Variants in TNFSF13B observed in about 807,000 individuals in gnomAD.
The protein encoded by TNFSF13B is tumor necrosis factor ligand superfamily member 13B.
Under a neutral mutation model 29.1 loss-of-function variants are expected in TNFSF13B, and 8 were observed. That is an observed-to-expected ratio of 0.27 (90% CI 0.16 to 0.50). The LOEUF is 0.50. TNFSF13B is among the 20% of genes least tolerant of loss of function. The probability of loss-of-function intolerance (pLI) is 0.98; values close to 1 mark genes in which losing one functional copy is unlikely to be tolerated. For missense variants in TNFSF13B, 248 were observed against 334.9 expected (o/e 0.74, Z 2.03); for synonymous variants, 125 against 130.8 (o/e 0.96, Z 0.30).
At chr13:108,299,534 G>A (rs1881553478) in intron 3 of TNFSF13B, among the ~76,000 whole-genome samples, 1 of 151,954 alleles carries the variant, frequency 6.6e-6, no homozygotes, top group Admixed American at 6.6e-5. Flanking sequence ...GTGGACACAG[G>A]AGTCCTTCTT....
At position 108,293,235 on chromosome 13, in the gene TNFSF13B, T is replaced by A. The variant is rs556005814; in HGVS notation, c.481+6376T>A. Among the ~76,000 whole-genome samples, 5 of 152,288 alleles carry A rather than the reference T, an allele frequency of 3.3e-5. No individual in the cohort carries two copies. In the South Asian group the frequency reaches 1.0e-3, roughly 32 times the overall value. ...TTGTTAAAAATCAGTTGTACGTAGA[T>A]GTATGGGTTTATTTCTGTACTCTCA... is the stretch of plus-strand genomic sequence containing the variant. On this transcript the variant is annotated intron_variant, in intron 3 of 5. Transcript: ENST00000375887.
intron 2 of TNFSF13B, among the ~76,000 whole-genome samples, chr13:108,273,062 G>GA (rs1880665122): frequency 6.6e-6 from 1 of 151,866 alleles, no homozygotes; most frequent in South Asian, 2.1e-4. Context: ...CTAACAAAGT[G>GA]AAAAAAAATT....
In TNFSF13B at chr13:108,297,301, A is replaced by G. The variant is rs574780989; in HGVS notation, c.482-5952A>G. On this transcript the variant is annotated intron_variant, in intron 3 of 5. Transcript: ENST00000375887. ...TCTGGCCTCCATGGTTTTTGATGAC[A>G]AATCAGCTATTAATCTTATTCAGCA... Among the ~76,000 whole-genome samples, 53 of 145,984 alleles carry G rather than the reference A, an allele frequency of 3.6e-4. 10 individuals are homozygous for G. The highest frequency in any genetic ancestry group is 1.3e-3 in the African/African-American group (51 of 39,040).
chr13:108,286,270 T>C (rs999395836), intron 2 of TNFSF13B, among the ~76,000 whole-genome samples: 31 of 152,204 alleles, frequency 2.0e-4, no homozygotes, highest in African/African-American at 7.0e-4. Flanking sequence ...ATCTAATTTT[T>C]AGGATTCTTG....
chr13:108,279,577 T>C (rs1351536915), intron 2 of TNFSF13B, among the ~76,000 whole-genome samples: 1 of 152,164 alleles, frequency 6.6e-6, no homozygotes, highest in Non-Finnish European at 1.5e-5. Context: ...GAATGTTGGC[T>C]GGGCCGGGGC....
intron 3 of TNFSF13B, among the ~76,000 whole-genome samples, chr13:108,290,778 AT>A (rs544882198): frequency 6.6e-6 from 1 of 151,706 alleles, no homozygotes; most frequent in Non-Finnish European, 1.5e-5. Context: ...AAATTTGTCA[AT>A]TTTTTTAAAG....
Position 108,307,790 on chromosome 13 carries a change from G to A in TNFSF13B, c.*852G>A, listed in dbSNP as rs1367227881. 6.6e-6 allele frequency: 1 copy of A among 152,058 alleles called. No homozygotes were observed. Among genetic ancestry groups the A allele is most frequent in the East Asian group, 1.9e-4 (1 of 5,192 alleles). The allele number at this position is 152,058 out of a possible 1,614,324, so 9.4% of individuals were successfully genotyped here. ...AGTTACTGAATACATTCATACTAATGTAATGTAATTTCCCTTTATTTCTTG... is the reference window on the plus strand; with the variant it reads ...AGTTACTGAATACATTCATACTAATATAATGTAATTTCCCTTTATTTCTTG... On this transcript the variant is annotated 3_prime_UTR_variant, in exon 6 of 6. Coordinates refer to ENST00000375887, the MANE Select transcript of TNFSF13B (RefSeq NM_006573.5).
chr13:108,275,774 A>G (rs1218694002), intron 2 of TNFSF13B, among the ~76,000 whole-genome samples: 1 of 152,172 alleles, frequency 6.6e-6, no homozygotes, highest in African/African-American at 2.4e-5. Flanking sequence ...TTTCATTACA[A>G]AAAGGAAACC....
chr13:108,279,324 G>A (rs551421275), intron 2 of TNFSF13B, among the ~76,000 whole-genome samples: 8 of 152,270 alleles, frequency 5.3e-5, no homozygotes, highest in Admixed American at 5.2e-4. Context: ...ATAGTAACAT[G>A]TATTTCAATA....
rs1389802152 is a variant in TNFSF13B, at chr13:108,298,732, T to G, written c.482-4521T>G. Among the ~76,000 whole-genome samples, 2 of 145,548 alleles carry G rather than the reference T, an allele frequency of 1.4e-5. 1 individual carries two copies. Among genetic ancestry groups the G allele is most frequent in the Non-Finnish European group, 3.0e-5 (2 of 65,592 alleles). On this transcript the variant is annotated intron_variant, in intron 3 of 5. Coordinates refer to ENST00000375887, the MANE Select transcript of TNFSF13B (RefSeq NM_006573.5). Reference sequence around the variant, plus strand: ...TAGCTCATGCCTGTAATCCCAGCACTTTGGGAGGCCAAGGCAGGATCACAA... The same window carrying G: ...TAGCTCATGCCTGTAATCCCAGCACGTTGGGAGGCCAAGGCAGGATCACAA...
At chr13:108,303,129 C>G in intron 3 of TNFSF13B, 124 bp from the exon 4 acceptor site, 1 of 726,254 alleles carries the variant, frequency 1.4e-6, no homozygotes. Flanking sequence ...TTTTTTCTTT[C>G]TTTCTTTCTT....
intron 2 of TNFSF13B, among the ~76,000 whole-genome samples, chr13:108,282,160 G>T (rs895592906): frequency 6.6e-6 from 1 of 152,190 alleles, no homozygotes; most frequent in African/African-American, 2.4e-5. Context: ...ATCTCATCTG[G>T]AGGAGGCTTC....
rs758848366 is a variant in TNFSF13B, at chr13:108,269,866, G to A, written c.-30G>A. 8.3e-6 allele frequency: 13 copies of A among 1,557,602 alleles called. No individual in the cohort carries two copies. Among genetic ancestry groups the A allele is most frequent in the Admixed American group, 5.6e-5 (3 of 53,432 alleles). On this transcript the variant is annotated 5_prime_UTR_variant, in exon 1 of 6. Transcript: ENST00000375887. ...ATTCCCTGTGGTCACTTATTCTAAA[G>A]GCCCCAACCTTCAAAGTTCAAGTAG... is the stretch of plus-strand genomic sequence containing the variant.
intron 3 of TNFSF13B, among the ~76,000 whole-genome samples, chr13:108,288,981 A>G (rs1881225179): frequency 6.6e-6 from 1 of 152,182 alleles, no homozygotes; most frequent in African/African-American, 2.4e-5. Context: ...TAAATGCAAC[A>G]CAAGTACTAA....
chr13:108,270,158 C>A lies in TNFSF13B; in HGVS notation c.263C>A (p.Ala88Glu). ...CGGGCAGAGCTGCAGGGCCACCACG[C>A]GGAGAAGCTGCCAGCAGGAGCAGGA... ...SLRAELQGHHAEKLPAGAGAP... is the reference protein window; with the variant it reads ...SLRAELQGHHEEKLPAGAGAP... Residue 88 changes from alanine (A) to glutamate (E), a missense_variant, in exon 1 of 6, where the codon GCG becomes GAG. By Grantham distance (107) the Ala-to-Glu change is moderately radical (BLOSUM62 -1). Around this residue, in one of 2 missense-constraint regions of TNFSF13B, gnomAD observed 186 missense variants for 196.3 expected, o/e 0.95. Coordinates refer to ENST00000375887, the MANE Select transcript of TNFSF13B (RefSeq NM_006573.5). 1 of 1,601,926 alleles carries A rather than the reference C, an allele frequency of 6.2e-7. No homozygotes were observed. Among genetic ancestry groups the A allele is most frequent in the African/African-American group, 1.3e-5 (1 of 74,992 alleles).
chr13:108,283,021 G>A (rs1215397172), intron 2 of TNFSF13B, among the ~76,000 whole-genome samples: 1 of 152,114 alleles, frequency 6.6e-6, no homozygotes, highest in Non-Finnish European at 1.5e-5. Flanking sequence ...CAAAACTCTT[G>A]TGGTTAGATA....
At chr13:108,291,092 C>T (rs1881294433) in intron 3 of TNFSF13B, among the ~76,000 whole-genome samples, 1 of 151,606 alleles carries the variant, frequency 6.6e-6, no homozygotes, top group Admixed American at 6.6e-5. Flanking sequence ...TTCTGTTATA[C>T]CATATTGACT....
At chr13:108,304,410 C>T (rs1224147) in intron 5 of TNFSF13B, among the ~76,000 whole-genome samples, 118,089 of 152,130 alleles carry the variant, frequency 0.78, 46,189 homozygotes, top group East Asian at 0.92. Context: ...CTTAGGAATG[C>T]GAAAGTGTAG....
intron 5 of TNFSF13B, 133 bp downstream of exon 5, chr13:108,303,737 T>C: frequency 1.1e-6 from 1 of 928,636 alleles, no homozygotes; most frequent in Non-Finnish European, 1.6e-6. Context: ...CCTCAATATA[T>C]TGTGTTTTTT....
Sources: allele counts gnomAD v4.1 joint callset (sites outside exome capture counted in the v4.1 genomes callset), GRCh38; gene constraint gnomAD v4.1.1; regional missense constraint gnomAD v4.1.1; transcripts MANE v1.5; gene names NCBI Gene and HGNC (gene_info 2026-07-23, HGNC 2026-07-21).